Variants in GRIA3 observed in about 807,000 individuals in gnomAD.
GRIA3 encodes the protein glutamate receptor 3.
In GRIA3, 3 loss-of-function variants were observed where a neutral mutation model predicts 63.0. The observed-to-expected ratio is 0.05, with a 90% CI of 0.02 to 0.12. GRIA3 has a LOEUF of 0.12. Ranked by LOEUF, GRIA3 falls within the 10% of genes least tolerant of loss-of-function variation. The probability of loss-of-function intolerance (pLI) is 1.00; values close to 1 mark genes in which losing one functional copy is unlikely to be tolerated. For synonymous variants in GRIA3, 274 were observed against 257.9 expected, an observed-to-expected ratio of 1.06 and a Z score of -0.60; for missense variants, 347 against 700.9, an observed-to-expected ratio of 0.50 and a Z score of 5.70.
intron 2 of GRIA3, 76 bp from the exon 3 acceptor site, chrX:123,253,227 A>C (rs1407688432): frequency 9.7e-6 from 11 of 1,134,703 alleles, no homozygotes; most frequent in Non-Finnish European, 1.3e-5. Context: ...CTAATTGTAC[A>C]TTGTATTTCT....
At chrX:123,202,673 C>A (rs957041179) in intron 2 of GRIA3, 2 of 1,164,927 alleles carry the variant, frequency 1.7e-6, no homozygotes, top group African/African-American at 3.6e-5. Context: ...GGCCAGGAAG[C>A]ATCAGGGAAA....
chrX:123,321,776 CAAG>C (rs1420148202), intron 3 of GRIA3, among the ~76,000 whole-genome samples: 4 of 111,873 alleles, frequency 3.6e-5, no homozygotes, highest in Non-Finnish European at 5.6e-5. Flanking sequence ...GATTCACATG[CAAG>C]AAGTTTATTG....
chrX:123,392,136 T>C (rs1049968238), intron 5 of GRIA3, among the ~76,000 whole-genome samples: 1 of 112,127 alleles, frequency 8.9e-6, no homozygotes, highest in African/African-American at 3.2e-5. Flanking sequence ...TTGCTTTCAG[T>C]GGCAGCAGCC....
intron 4 of GRIA3, among the ~76,000 whole-genome samples, chrX:123,347,083 T>A: frequency 8.9e-6 from 1 of 112,153 alleles, no homozygotes; most frequent in East Asian, 2.8e-4. Context: ...TCTGAATATT[T>A]AACAATGGGC....
intron 12 of GRIA3, among the ~76,000 whole-genome samples, chrX:123,431,236 A>G (rs1470880990): frequency 8.9e-6 from 1 of 112,628 alleles, no homozygotes; most frequent in Non-Finnish European, 1.9e-5. Flanking sequence ...TTCCACTAAG[A>G]GATAGGAATA....
chrX:123,363,952 A>G (rs1372614500), intron 5 of GRIA3, among the ~76,000 whole-genome samples: 1 of 111,584 alleles, frequency 9.0e-6, no homozygotes, highest in Non-Finnish European at 1.9e-5. Context: ...ATTGCTTCCA[A>G]TCTGTCCCTG....
chrX:123,463,821 GA>G (rs1437762757), intron 12 of GRIA3, among the ~76,000 whole-genome samples: 3 of 108,587 alleles, frequency 2.8e-5, no homozygotes, highest in Non-Finnish European at 5.7e-5. Context: ...GAAAGAAAAA[GA>G]AAGAGAAAGA....
At chrX:123,428,264 T>G (rs2045600440) in intron 12 of GRIA3, 125 bp downstream of exon 12, 4 of 534,034 alleles carry the variant, frequency 7.5e-6, no homozygotes, top group Non-Finnish European at 1.3e-5. Flanking sequence ...GGAGAGCATC[T>G]TAAATACTGG....
chrX:123,294,055 TA>T (rs10633680), intron 3 of GRIA3, among the ~76,000 whole-genome samples: 10 of 103,141 alleles, frequency 9.7e-5, no homozygotes, highest in Middle Eastern at 4.8e-3. Flanking sequence ...TCCTTGCTAA[TA>T]AAAAAAAAAA....
chrX:123,336,517 G>A (rs998990459), intron 4 of GRIA3, among the ~76,000 whole-genome samples: 68 of 111,988 alleles, frequency 6.1e-4, no homozygotes, highest in African/African-American at 2.2e-3. Context: ...ATGGGCCCAG[G>A]TGGGGGCTTG....
At chrX:123,484,110 G>C (rs1403182518) in intron 15 of GRIA3, among the ~76,000 whole-genome samples, 1 of 111,770 alleles carries the variant, frequency 8.9e-6, no homozygotes, top group African/African-American at 3.3e-5. Flanking sequence ...TCTATCAAAG[G>C]ATAGTCTAGG....
intron 3 of GRIA3, among the ~76,000 whole-genome samples, chrX:123,279,437 A>G (rs1173466651): frequency 8.9e-6 from 1 of 112,223 alleles, no homozygotes; most frequent in Non-Finnish European, 1.9e-5. Context: ...GACACAATGT[A>G]TATGTACTTC....
chrX:123,292,711 G>A (rs1168103943), intron 3 of GRIA3, among the ~76,000 whole-genome samples: 2 of 111,342 alleles, frequency 1.8e-5, no homozygotes, highest in Non-Finnish European at 3.8e-5. Flanking sequence ...TTTTAGTAAA[G>A]TCAGAATGGA....
At chrX:123,407,695 G>GC (rs1556314638) in intron 10 of GRIA3, among the ~76,000 whole-genome samples, 1 of 81,910 alleles carries the variant, frequency 1.2e-5, no homozygotes, top group Non-Finnish European at 2.3e-5. Flanking sequence ...TGGTTGCGGG[G>GC]GGGGGGGGGA....
In GRIA3 at chrX:123,313,771, T is replaced by C. The variant is rs190159992; in HGVS notation, c.509-12255T>C. Among the ~76,000 whole-genome samples, 3 of 112,036 alleles carry C rather than the reference T, an allele frequency of 2.7e-5. No homozygotes were observed. In the East Asian group the frequency reaches 8.5e-4, roughly 32 times the overall value. On this transcript the variant is annotated intron_variant, in intron 3 of 15. Coordinates refer to ENST00000620443, the MANE Select transcript of GRIA3 (RefSeq NM_007325.5). ...TCAGTCAGTTCACTTTACAAGTCCA[T>C]AGGCACAGGCCACAATGTGAACTAC... is the stretch of plus-strand genomic sequence containing the variant.
chrX:123,244,963 A>G (rs1007587654), intron 2 of GRIA3, among the ~76,000 whole-genome samples: 1 of 112,549 alleles, frequency 8.9e-6, no homozygotes, highest in African/African-American at 3.2e-5. Context: ...AAGAAGGAAC[A>G]GTAATTTTAT....
intron 3 of GRIA3, among the ~76,000 whole-genome samples, chrX:123,279,211 G>T (rs187222291): frequency 3.0e-4 from 33 of 111,479 alleles, no homozygotes; most frequent in African/African-American, 1.0e-3. Context: ...AGAGGATAGG[G>T]TGGTTAGGAG....
At chrX:123,218,721 G>A (rs1011868753) in intron 2 of GRIA3, among the ~76,000 whole-genome samples, 10 of 111,459 alleles carry the variant, frequency 9.0e-5, no homozygotes, top group Admixed American at 1.9e-4. Flanking sequence ...TTGTCTTTGG[G>A]TTCCTTCTCC....
At chrX:123,438,653 G>T (rs1170033765) in intron 12 of GRIA3, among the ~76,000 whole-genome samples, 1 of 111,993 alleles carries the variant, frequency 8.9e-6, no homozygotes. Flanking sequence ...CTCCCAAGTA[G>T]CTGGGATTAC....
Sources: gnomAD v4.1 joint callset for allele counts (sites outside exome capture counted in the v4.1 genomes callset) on GRCh38, gnomAD v4.1.1 for gene constraint, MANE v1.5 for transcripts, NCBI Gene and HGNC (gene_info 2026-07-23, HGNC 2026-07-21) for gene names.